CDX1: variants seen among roughly 807,000 people sequenced by gnomAD.
The protein encoded by CDX1 is caudal type homeobox 1, also known as homeobox protein CDX-1.
A neutral mutation model predicts 16.9 loss-of-function variants in CDX1; 9 were observed. That is an observed-to-expected ratio of 0.53 (90% CI 0.32 to 0.93). The LOEUF is 0.93. CDX1 is among the 40% of genes least tolerant of loss of function. The pLI, the probability that CDX1 is intolerant of heterozygous loss-of-function variation, is 0.04. For missense variants in CDX1, 393 were observed against 386.1 expected, an observed-to-expected ratio of 1.02 and a Z score of -0.15; for synonymous variants, 179 against 179.0, an observed-to-expected ratio of 1.00 and a Z score of 0.00.
Position 150,167,167 on chromosome 5 carries a change from C to T in CDX1, c.291C>T (p.Asp97=). Reference sequence around the variant, plus strand: ...CGCTGGCATTCGGGCCCCCTCCAGACTTTAGCCCGGTGCCGGCGCCCCCTG... The same window carrying T: ...CGCTGGCATTCGGGCCCCCTCCAGATTTTAGCCCGGTGCCGGCGCCCCCTG... ...PASLAFGPPP[D]FSPVPAPPGP... Residue 97 remains aspartate, a synonymous_variant, in exon 1 of 3, where the codon GAC becomes GAT. Coordinates refer to ENST00000231656, the MANE Select transcript of CDX1 (RefSeq NM_001804.3). 1 of 1,284,720 alleles carries T rather than the reference C, an allele frequency of 7.8e-7. No individual in the cohort carries two copies. The highest frequency in any genetic ancestry group is 4.2e-5 in the Admixed American group (1 of 23,624). The allele number at this position is 1,284,720 out of a possible 1,614,324, so 79.6% of individuals were successfully genotyped here.
rs929986593 is a variant in CDX1 at position 150,166,789 on chromosome 5, C to G, written c.-88C>G. ...GGGGCGGGCGCGGCGGCAGGACAGC[C>G]GAGTTCAGGTGAGCGGTTGCTCGTC... On this transcript the variant is annotated 5_prime_UTR_variant, in exon 1 of 3. Coordinates refer to ENST00000231656, the MANE Select transcript of CDX1 (RefSeq NM_001804.3). The G allele has an allele frequency of 1.0e-5, 10 of 954,262 alleles. No homozygotes were observed. Among genetic ancestry groups the G allele is most frequent in the Non-Finnish European group, 1.4e-5 (10 of 701,128 alleles). The allele number at this position is 954,262 out of a possible 1,614,324, so 59.1% of individuals were successfully genotyped here. A position where few individuals can be genotyped will look rare whatever the true frequency, so the allele number is the denominator to read the frequency against.
chr5:150,181,378 C>T (rs1301306556), intron 1 of CDX1, among the ~76,000 whole-genome samples: 2 of 152,200 alleles, frequency 1.3e-5, no homozygotes. Context: ...AGCAATTCTC[C>T]TGTTTTCCCG....
At chr5:150,171,517 T>C (rs1200493214) in intron 1 of CDX1, among the ~76,000 whole-genome samples, 1 of 152,220 alleles carries the variant, frequency 6.6e-6, no homozygotes, top group African/African-American at 2.4e-5. Flanking sequence ...TTTGTATTTT[T>C]AGTAGAGACG....
At chr5:150,182,742 C>T in intron 1 of CDX1, 26 bp from the exon 2 acceptor site, 2 of 1,533,784 alleles carry the variant, frequency 1.3e-6, no homozygotes, top group Non-Finnish European at 1.8e-6. Context: ...AACTCACCTT[C>T]CTTCCCGGCT....
chr5:150,179,912 C>T (rs955827366), intron 1 of CDX1, among the ~76,000 whole-genome samples: 3 of 152,220 alleles, frequency 2.0e-5, no homozygotes, highest in Non-Finnish European at 2.9e-5. Context: ...GGAATTGTAC[C>T]CTGGAGAGGC....
intron 1 of CDX1, among the ~76,000 whole-genome samples, chr5:150,182,286 A>AGTG (rs1176841038): frequency 2.0e-5 from 3 of 152,172 alleles, no homozygotes; most frequent in Admixed American, 2.0e-4. Context: ...CTGACCACAG[A>AGTG]GTGGAGAGTT....
chr5:150,175,909 C>T (rs1312379733), intron 1 of CDX1, among the ~76,000 whole-genome samples: 1 of 152,236 alleles, frequency 6.6e-6, no homozygotes, highest in Non-Finnish European at 1.5e-5. Flanking sequence ...TAGCTGTTTT[C>T]TCCTTTTTGT....
chr5:150,171,895 A>G (rs1278107188), intron 1 of CDX1, among the ~76,000 whole-genome samples: 2 of 152,238 alleles, frequency 1.3e-5, no homozygotes, highest in African/African-American at 4.8e-5. Context: ...ATAGGATTGC[A>G]TCTCAGAAGA....
At position 150,167,407 on chromosome 5, in the gene CDX1, G is replaced by C. The variant is rs77765544; in HGVS notation, c.445+86G>C. Reference sequence around the variant, plus strand: ...CCGCCCCCTGTCTGACCTCTGCTCCGGCCCTGCTCGGGTTCCCGGGAGTGT... The same window carrying C: ...CCGCCCCCTGTCTGACCTCTGCTCCCGCCCTGCTCGGGTTCCCGGGAGTGT... On this transcript the variant is annotated intron_variant, in intron 1 of 2. Transcript: ENST00000231656. The C allele has an allele frequency of 1.3e-4, 124 of 970,690 alleles. 3 individuals are homozygous for C. The South Asian group carries it at 5.9e-3, about 46-fold the overall frequency. 60.1% of individuals were successfully genotyped at this position (970,690 alleles called of 1,614,324 possible).
chr5:150,177,839 C>T (rs915207294), intron 1 of CDX1, among the ~76,000 whole-genome samples: 1 of 152,176 alleles, frequency 6.6e-6, no homozygotes. Flanking sequence ...TCCAGGAGCT[C>T]TGGGCTGGAA....
chr5:150,167,851 C>G (rs1761454463), intron 1 of CDX1, among the ~76,000 whole-genome samples: 1 of 152,218 alleles, frequency 6.6e-6, no homozygotes, highest in Non-Finnish European at 1.5e-5. Flanking sequence ...CCTCTTTGGC[C>G]AGACTGGGGC....
At chr5:150,176,040 G>A (rs931925602) in intron 1 of CDX1, among the ~76,000 whole-genome samples, 3 of 152,316 alleles carry the variant, frequency 2.0e-5, no homozygotes, top group Middle Eastern at 3.4e-3. Flanking sequence ...TGACCAGGCT[G>A]GACCACAGTC....
At chr5:150,180,005 G>A (rs1761620785) in intron 1 of CDX1, among the ~76,000 whole-genome samples, 1 of 152,252 alleles carries the variant, frequency 6.6e-6, no homozygotes, top group African/African-American at 2.4e-5. Flanking sequence ...ACACAGGGAG[G>A]TAGGACTGGA....
Position 150,170,186 on chromosome 5 carries a change from T to C in CDX1, c.445+2865T>C, listed in dbSNP as rs151093600. Among the ~76,000 whole-genome samples the C allele has an allele frequency of 1.6e-4, 25 of 152,358 alleles. No homozygotes were observed. The East Asian group carries it at 4.6e-3, about 28-fold the overall frequency. On this transcript the variant is annotated intron_variant, in intron 1 of 2. Transcript: ENST00000231656. ...CTTCCAGGAAAGCTCTTTCCCCTGATTCTTTGCAAGAGTGGAACCTTCTTA... is the reference window on the plus strand; with the variant it reads ...CTTCCAGGAAAGCTCTTTCCCCTGACTCTTTGCAAGAGTGGAACCTTCTTA...
At chr5:150,172,102 T>G (rs1761515261) in intron 1 of CDX1, among the ~76,000 whole-genome samples, 1 of 152,208 alleles carries the variant, frequency 6.6e-6, no homozygotes, top group African/African-American at 2.4e-5. Context: ...ATGCTGCTCC[T>G]TCTCCGAGGC....
intron 1 of CDX1, among the ~76,000 whole-genome samples, chr5:150,167,979 G>T (rs1304613992): frequency 3.9e-5 from 6 of 152,180 alleles, no homozygotes; most frequent in Non-Finnish European, 7.4e-5. Context: ...TGAACCTCCT[G>T]CCCCCAGGCA....
intron 1 of CDX1, among the ~76,000 whole-genome samples, chr5:150,175,808 C>T (rs1761562416): frequency 6.6e-6 from 1 of 152,244 alleles, no homozygotes. Flanking sequence ...TCCCCACTCC[C>T]AGGTCAGTGT....
chr5:150,182,403 A>G (rs1420752378), intron 1 of CDX1, among the ~76,000 whole-genome samples: 1 of 152,220 alleles, frequency 6.6e-6, no homozygotes, highest in Non-Finnish European at 1.5e-5. Flanking sequence ...GTGCAGCCAC[A>G]TCTGGAAGCT....
intron 1 of CDX1, among the ~76,000 whole-genome samples, chr5:150,174,935 C>A (rs1562055519): frequency 6.6e-6 from 1 of 152,300 alleles, no homozygotes; most frequent in South Asian, 2.1e-4. Flanking sequence ...CGCCACCACG[C>A]CCAGCTAATT....
Sources: gnomAD v4.1 joint callset for allele counts (sites outside exome capture counted in the v4.1 genomes callset) on GRCh38, gnomAD v4.1.1 for gene constraint, MANE v1.5 for transcripts, NCBI Gene and HGNC (gene_info 2026-07-23, HGNC 2026-07-21) for gene names.